NPNT: variants seen among roughly 807,000 people sequenced by gnomAD.
The protein encoded by NPNT is nephronectin.
Under a neutral mutation model 68.6 loss-of-function variants are expected in NPNT, and 45 were observed. The ratio of observed to expected loss-of-function variants is 0.66; its 90% confidence interval spans 0.52 to 0.84. The LOEUF is 0.84. Among genes scored for constraint, NPNT ranks in the 40% least tolerant of loss-of-function variants. The pLI, the probability that NPNT is intolerant of heterozygous loss-of-function variation, is 0.00. For synonymous variants in NPNT, 233 were observed against 253.3 expected (o/e 0.92, Z 0.76); for missense variants, 672 against 714.8 (o/e 0.94, Z 0.68).
At chr4:105,909,932 C>T (rs1359725205) in intron 2 of NPNT, among the ~76,000 whole-genome samples, 1 of 152,140 alleles carries the variant, frequency 6.6e-6, no homozygotes, top group Non-Finnish European at 1.5e-5. Flanking sequence ...CACATGGTAA[C>T]TGCATCAGCA....
At chr4:105,947,297 A>T (rs1016361829) in intron 8 of NPNT, among the ~76,000 whole-genome samples, 2 of 152,180 alleles carry the variant, frequency 1.3e-5, no homozygotes, top group Non-Finnish European at 2.9e-5. Flanking sequence ...TGTACAGTTA[A>T]CACAATTATA....
intron 2 of NPNT, among the ~76,000 whole-genome samples, chr4:105,900,834 G>GTTTTTTTTTT (rs765343668): frequency 8.3e-5 from 8 of 96,628 alleles, no homozygotes; most frequent in Non-Finnish European, 1.0e-4. Flanking sequence ...ACCCTTGGTT[G>GTTTTTTTTTT]TTTTTTTTTT....
chr4:105,966,785 T>G (rs1406146055), intron 10 of NPNT, among the ~76,000 whole-genome samples: 1 of 152,066 alleles, frequency 6.6e-6, no homozygotes, highest in Non-Finnish European at 1.5e-5. Flanking sequence ...CCCTAGAAAT[T>G]TAGGGTCAGT....
At chr4:105,917,748 G>A (rs1401145798) in intron 2 of NPNT, among the ~76,000 whole-genome samples, 3 of 152,108 alleles carry the variant, frequency 2.0e-5, no homozygotes, top group African/African-American at 7.2e-5. Context: ...AGGGGGAATG[G>A]CATTCCATGT....
intron 8 of NPNT, among the ~76,000 whole-genome samples, chr4:105,952,887 A>C (rs1420338488): frequency 1.3e-5 from 2 of 152,176 alleles, no homozygotes; most frequent in African/African-American, 4.8e-5. Context: ...GGCAGAGCCT[A>C]ACCTTCATGG....
At chr4:105,918,980 T>C (rs1215666828) in intron 2 of NPNT, among the ~76,000 whole-genome samples, 3 of 152,090 alleles carry the variant, frequency 2.0e-5, no homozygotes, top group African/African-American at 4.8e-5. Flanking sequence ...TCTGTATAGG[T>C]TGCACATTTC....
intron 2 of NPNT, among the ~76,000 whole-genome samples, chr4:105,907,819 G>C (rs773406016): frequency 5.9e-5 from 9 of 152,004 alleles, no homozygotes; most frequent in Non-Finnish European, 1.3e-4. Flanking sequence ...TAAGTTTTCT[G>C]ATTTTATTAC....
intron 1 of NPNT, among the ~76,000 whole-genome samples, chr4:105,897,473 C>T (rs1725954332): frequency 6.6e-6 from 1 of 152,186 alleles, no homozygotes; most frequent in African/African-American, 2.4e-5. Flanking sequence ...TCTGCTTTGA[C>T]ATGTCTTACT....
intron 10 of NPNT, 83 bp from the exon 11 acceptor site, chr4:105,967,105 A>AT: frequency 7.1e-7 from 1 of 1,399,544 alleles, no homozygotes; most frequent in Non-Finnish European, 9.8e-7. Context: ...GAAAAAAAAA[A>AT]AAAAACTAAA....
At position 105,897,107 on chromosome 4, in the gene NPNT, GA is replaced by G. The variant is rs138600175; in HGVS notation, c.72-788del. On this transcript the variant is annotated intron_variant, in intron 1 of 11. Transcript: ENST00000379987. ...CAAATTAAAATGTTGATACCCAGAG[GA>G]AAAAAGTCATTTAGGTGTGACTCTA... Among the ~76,000 whole-genome samples the G allele has an allele frequency of 1.8e-4, 28 of 152,174 alleles. 1 individual carries two copies. In the East Asian group the frequency reaches 5.0e-3, roughly 27 times the overall value.
intron 2 of NPNT, among the ~76,000 whole-genome samples, chr4:105,898,328 G>GTCTCTC (rs66945682): frequency 0.023 from 1,231 of 53,830 alleles, 123 homozygotes; most frequent in South Asian, 0.04. Context: ...CTCTCTCTCT[G>GTCTCTC]TCTCTCTCTC....
At chr4:105,967,145 G>A (rs1371233388) in intron 10 of NPNT, 43 bp from the exon 11 acceptor site, 4 of 1,582,000 alleles carry the variant, frequency 2.5e-6, no homozygotes, top group Non-Finnish European at 3.5e-6. Context: ...GTTCTAGAAA[G>A]GGATATTGGC....
intron 2 of NPNT, among the ~76,000 whole-genome samples, chr4:105,918,387 A>G (rs1727986060): frequency 6.6e-6 from 1 of 152,220 alleles, no homozygotes; most frequent in South Asian, 2.1e-4. Context: ...ATTCTTTAGC[A>G]AACCTGCTCA....
Position 105,940,168 on chromosome 4 carries a change from G to C in NPNT, c.599G>C (p.Gly200Ala), listed in dbSNP as rs1235060761. 5.0e-6 allele frequency: 8 copies of C among 1,613,278 alleles called. No homozygotes were observed. The highest frequency in any genetic ancestry group is 5.9e-6 in the Non-Finnish European group (7 of 1,179,416). The change falls in exon 6 of 12, where the codon GGC becomes GCC. Residue 200 changes from glycine (G) to alanine (A), a missense_variant. Physicochemically the swap from Gly to Ala is moderately conservative, Grantham distance 60 (BLOSUM62 0). Transcript: ENST00000379987. ...FGSYICKCHK[G>A]FDLMYIGGKY... ...AGCTACATCTGCAAGTGTCATAAAGGCTTCGATCTCATGTATATTGGAGGC... is the reference window on the plus strand; with the variant it reads ...AGCTACATCTGCAAGTGTCATAAAGCCTTCGATCTCATGTATATTGGAGGC...
chr4:105,929,924 C>G (rs1728981627), intron 3 of NPNT, among the ~76,000 whole-genome samples: 1 of 151,844 alleles, frequency 6.6e-6, no homozygotes, highest in South Asian at 2.1e-4. Flanking sequence ...ACCTATTTCT[C>G]TAAAGAAAAA....
chr4:105,935,121 T>C (rs1033443344), intron 3 of NPNT, among the ~76,000 whole-genome samples: 2 of 152,202 alleles, frequency 1.3e-5, no homozygotes, highest in Non-Finnish European at 2.9e-5. Flanking sequence ...CAAAAGTTTC[T>C]GTTATGCTTT....
At chr4:105,964,348 AG>A (rs1404964495) in intron 10 of NPNT, among the ~76,000 whole-genome samples, 15 of 152,256 alleles carry the variant, frequency 9.9e-5, no homozygotes, top group African/African-American at 3.6e-4. Flanking sequence ...ACAGTAGTGC[AG>A]TGAATAACCC....
chr4:105,907,452 C>T (rs1726994169), intron 2 of NPNT, among the ~76,000 whole-genome samples: 1 of 152,210 alleles, frequency 6.6e-6, no homozygotes, highest in Admixed American at 6.5e-5. Context: ...AACCAAGAAT[C>T]TCCCTGTCTG....
At chr4:105,951,671 T>G (rs1203463525) in intron 8 of NPNT, among the ~76,000 whole-genome samples, 2 of 152,220 alleles carry the variant, frequency 1.3e-5, no homozygotes, top group Non-Finnish European at 2.9e-5. Flanking sequence ...GAATTGTCAC[T>G]TCTCACAGGT....
Sources: gnomAD v4.1 joint callset for allele counts (sites outside exome capture counted in the v4.1 genomes callset) on GRCh38, gnomAD v4.1.1 for gene constraint, MANE v1.5 for transcripts, NCBI Gene and HGNC (gene_info 2026-07-23, HGNC 2026-07-21) for gene names.